The following REXO5 variants were observed in gnomAD, a reference collection of about 807,000 sequenced individuals.
REXO5 encodes the protein exonuclease NEF-sp.
A neutral mutation model predicts 88.5 loss-of-function variants in REXO5; 48 were observed. The observed-to-expected ratio is 0.54, with a 90% CI of 0.43 to 0.69. The LOEUF (loss-of-function observed/expected upper bound fraction) is 0.69. Among genes scored for constraint, REXO5 ranks in the 30% least tolerant of loss-of-function variants. REXO5 has a pLI of 0.00. For missense variants in REXO5, 749 were observed against 912.2 expected (o/e 0.82, Z 2.30); for synonymous variants, 311 against 336.5 (o/e 0.92, Z 0.83).
Position 20,837,702 on chromosome 16 carries a change from A to AT in REXO5, c.1384-2042dup, listed in dbSNP as rs568459783. ...ACTGTATCCTTTAGCCCCATGGTTG[A>AT]TTTTTTTTTTTAGGGGGAATAATTT... On this transcript the variant is annotated intron_variant, in intron 13 of 19. Coordinates refer to ENST00000261377, the MANE Select transcript of REXO5 (RefSeq NM_030941.3). 4.7e-4 allele frequency among the ~76,000 whole-genome samples: 68 copies of AT among 145,832 alleles called. 1 individual carries two copies. The highest frequency in any genetic ancestry group is 1.6e-3 in the East Asian group (8 of 5,012).
intron 11 of REXO5, 59 bp downstream of exon 11, chr16:20,828,596 T>G: frequency 8.8e-7 from 1 of 1,132,230 alleles, no homozygotes; most frequent in Non-Finnish European, 1.3e-6. Flanking sequence ...TAGATCAGAT[T>G]ATCACAGACT....
At chr16:20,828,857 G>T (rs1282179498) in intron 11 of REXO5, among the ~76,000 whole-genome samples, 3 of 151,716 alleles carry the variant, frequency 2.0e-5, no homozygotes, top group African/African-American at 7.3e-5. Context: ...AACCAGGGAG[G>T]CAGAGGTTGC....
chr16:20,819,956 C>G (rs1214950960), intron 5 of REXO5, among the ~76,000 whole-genome samples: 2 of 152,042 alleles, frequency 1.3e-5, no homozygotes, highest in African/African-American at 4.8e-5. Flanking sequence ...GGGTCTTGCT[C>G]CGTTGCCTAG....
At chr16:20,813,800 T>A (rs2081039951) in intron 3 of REXO5, among the ~76,000 whole-genome samples, 1 of 152,158 alleles carries the variant, frequency 6.6e-6, no homozygotes, top group South Asian at 2.1e-4. Flanking sequence ...GGCTCACAGT[T>A]ATAATCCCAG....
In REXO5 at chr16:20,845,497, CA is replaced by C. The variant is rs1278415528; in HGVS notation, c.2124+258del. Among the ~76,000 whole-genome samples, 13 of 152,160 alleles carry C rather than the reference CA, an allele frequency of 8.5e-5. No homozygotes were observed. The East Asian group carries it at 2.3e-3, about 27-fold the overall frequency. The stretch of plus-strand genomic sequence containing the variant: ...AAAGGCAGGAAGTCAGAGAGCTGGA[CA>C]ATTATTCAGTGATCTAGTCTAGGGT... On this transcript the variant is annotated intron_variant, in intron 18 of 19. Coordinates refer to ENST00000261377, the MANE Select transcript of REXO5 (RefSeq NM_030941.3).
chr16:20,806,974 G>T lies in REXO5; in HGVS notation c.21G>T (p.Gly7=). Residue 7 remains glycine, a synonymous_variant, in exon 2 of 20, where the codon GGG becomes GGT. Coordinates refer to ENST00000261377, the MANE Select transcript of REXO5 (RefSeq NM_030941.3). MEPERE[G]TERHPRKVRE... is the part of the protein sequence containing the mutation. ...CAGCCATGGAGCCAGAGAGGGAAGG[G>T]ACCGAGAGACACCCCAGGAAGGTCA... 6.3e-7 allele frequency: 1 copy of T among 1,596,394 alleles called. No individual in the cohort carries two copies.
intron 5 of REXO5, among the ~76,000 whole-genome samples, chr16:20,820,762 C>G (rs1437835012): frequency 2.0e-5 from 3 of 151,052 alleles, no homozygotes; most frequent in African/African-American, 7.3e-5. Context: ...TGGGGTTTCA[C>G]CATGTTGGCC....
intron 5 of REXO5, chr16:20,820,919 A>G (rs1323104265): frequency 1.3e-5 from 2 of 152,080 alleles, no homozygotes; most frequent in South Asian, 4.1e-4. Context: ...GATGAACTTA[A>G]CTACTTAAGA....
intron 5 of REXO5, 25 bp from the exon 6 acceptor site, chr16:20,821,737 A>G (rs754921069): frequency 1.3e-6 from 2 of 1,551,100 alleles, no homozygotes; most frequent in South Asian, 1.3e-5. Context: ...ACATTCTAAT[A>G]TACGTTCAAT....
intron 2 of REXO5, among the ~76,000 whole-genome samples, chr16:20,812,331 G>A (rs748088597): frequency 4.5e-4 from 68 of 152,062 alleles, no homozygotes; most frequent in Non-Finnish European, 8.2e-4. Flanking sequence ...AGACCAGCCT[G>A]GGCAACATGG....
At chr16:20,824,917 G>A (rs1394377647) in intron 7 of REXO5, among the ~76,000 whole-genome samples, 6 of 152,082 alleles carry the variant, frequency 3.9e-5, no homozygotes, top group Admixed American at 3.9e-4. Flanking sequence ...GCTGAGGCAG[G>A]AGAATCGCTT....
At chr16:20,828,056 T>G (rs1187476209) in intron 10 of REXO5, among the ~76,000 whole-genome samples, 2 of 152,192 alleles carry the variant, frequency 1.3e-5, no homozygotes, top group African/African-American at 4.8e-5. Context: ...AGAAAGTATT[T>G]AAGTATGTAT....
At chr16:20,818,766 T>A (rs887164306) in intron 5 of REXO5, among the ~76,000 whole-genome samples, 1 of 152,220 alleles carries the variant, frequency 6.6e-6, no homozygotes, top group Non-Finnish European at 1.5e-5. Flanking sequence ...CCACTGCACT[T>A]GGCCTTTTTT....
intron 4 of REXO5, among the ~76,000 whole-genome samples, chr16:20,815,616 G>A (rs1012051149): frequency 7.9e-5 from 12 of 152,078 alleles, no homozygotes; most frequent in South Asian, 6.2e-4. Flanking sequence ...CCTGCTACAC[G>A]TATCATCTTT....
rs567614119 is a variant in REXO5, at chr16:20,837,486, T to C, written c.1384-2269T>C. The stretch of plus-strand genomic sequence containing the variant: ...ATATGTTGTTCCCCGCTGGCCTATC[T>C]TTCATTCACCTACTTTCTCTCTGAT... On this transcript the variant is annotated intron_variant, in intron 13 of 19. Coordinates refer to ENST00000261377, the MANE Select transcript of REXO5 (RefSeq NM_030941.3). 2.0e-5 allele frequency among the ~76,000 whole-genome samples: 3 copies of C among 152,346 alleles called. No individual in the cohort carries two copies. The South Asian group carries it at 6.2e-4, about 32-fold the overall frequency.
At chr16:20,823,267 G>T (rs541418915) in intron 6 of REXO5, among the ~76,000 whole-genome samples, 3 of 152,210 alleles carry the variant, frequency 2.0e-5, no homozygotes, top group East Asian at 1.9e-4. Flanking sequence ...TTATTTTCTG[G>T]ATGCATAAAT....
intron 15 of REXO5, among the ~76,000 whole-genome samples, chr16:20,841,942 C>G (rs1009881657): frequency 1.4e-4 from 21 of 152,146 alleles, no homozygotes; most frequent in African/African-American, 4.3e-4. Context: ...AATAAAAATA[C>G]AAAGATTGTC....
intron 15 of REXO5, among the ~76,000 whole-genome samples, chr16:20,842,058 TATAAA>T: frequency 6.6e-6 from 1 of 152,280 alleles, no homozygotes; most frequent in South Asian, 2.1e-4. Flanking sequence ...GTAAAATACA[TATAAA>T]ATAAAATGTA....
intron 18 of REXO5, among the ~76,000 whole-genome samples, chr16:20,845,547 A>G (rs377469861): frequency 3.7e-4 from 56 of 152,292 alleles, no homozygotes; most frequent in African/African-American, 1.3e-3. Flanking sequence ...GTATATACAC[A>G]AGATAAATTG....
Sources: gnomAD v4.1 joint callset for allele counts (sites outside exome capture counted in the v4.1 genomes callset) on GRCh38, gnomAD v4.1.1 for gene constraint, MANE v1.5 for transcripts, NCBI Gene and HGNC (gene_info 2026-07-23, HGNC 2026-07-21) for gene names.